The following SCN8A variants were observed in gnomAD, a reference collection of about 807,000 sequenced individuals.
SCN8A encodes sodium channel protein type 8 subunit alpha.
In SCN8A, 30 loss-of-function variants were observed where a neutral mutation model predicts 184.1. That is an observed-to-expected ratio of 0.16 (90% confidence interval 0.12 to 0.22). The LOEUF (loss-of-function observed/expected upper bound fraction) is 0.22, where lower values mean the gene tolerates loss of function less well. SCN8A is among the 10% of genes least tolerant of loss of function. The probability of loss-of-function intolerance (pLI) is 1.00; values close to 1 mark genes in which losing one functional copy is unlikely to be tolerated. For synonymous variants in SCN8A, 852 were observed against 907.0 expected, an observed-to-expected ratio of 0.94 and a Z score of 1.09; for missense variants, 1,057 against 2,498.9, an observed-to-expected ratio of 0.42 and a Z score of 12.30.
chr12:51,745,531 T>C (rs1342525203), intron 12 of SCN8A, among the ~76,000 whole-genome samples: 1 of 152,210 alleles, frequency 6.6e-6, no homozygotes, highest in African/African-American at 2.4e-5. Flanking sequence ...GGACCAATTC[T>C]AGCCAAATAT....
rs1565910828 is a variant in SCN8A at position 51,751,488 on chromosome 12, G to C, written c.2265G>C (p.Val755=). Residue 755 remains valine, a synonymous_variant, in exon 14 of 27, where the codon GTG becomes GTC. Coordinates refer to ENST00000627620, the MANE Select transcript of SCN8A (RefSeq NM_001330260.2). ...IVNLIVMDPF[V]DLAITICIVL... is the part of the protein sequence containing the mutation. ...ACTTGATAGTTATGGACCCTTTTGT[G>C]GATTTAGCCATCACCATCTGCATCG... 6.2e-7 allele frequency: 1 copy of C among 1,613,834 alleles called. No individual in the cohort carries two copies. The highest frequency in any genetic ancestry group is 2.2e-5 in the East Asian group (1 of 44,864).
intron 1 of SCN8A, among the ~76,000 whole-genome samples, chr12:51,595,647 C>T (rs999650445): frequency 6.6e-6 from 1 of 152,146 alleles, no homozygotes; most frequent in African/African-American, 2.4e-5. Flanking sequence ...ACCTACGTTG[C>T]AGGGTATTTG....
At chr12:51,732,003 T>G (rs80210775) in intron 12 of SCN8A, among the ~76,000 whole-genome samples, 3,999 of 152,332 alleles carry the variant, frequency 0.026, 165 homozygotes, top group African/African-American at 0.088. Flanking sequence ...TCAGATATTT[T>G]CTCCTATTCT....
intron 1 of SCN8A, among the ~76,000 whole-genome samples, chr12:51,609,582 G>C (rs769895380): frequency 1.3e-5 from 2 of 151,998 alleles, no homozygotes; most frequent in Admixed American, 6.6e-5. Flanking sequence ...AGTTTGTTTT[G>C]TCTGATATAA....
At chr12:51,686,978 C>A in intron 4 of SCN8A, 113 bp from the exon 5 acceptor site, 1 of 1,071,250 alleles carries the variant, frequency 9.3e-7, no homozygotes, top group Non-Finnish European at 1.4e-6. Context: ...TGGCTGTGCC[C>A]TTTCTGTTTT....
intron 1 of SCN8A, among the ~76,000 whole-genome samples, chr12:51,632,736 A>G (rs1173050343): frequency 6.6e-6 from 1 of 152,186 alleles, no homozygotes; most frequent in Non-Finnish European, 1.5e-5. Context: ...TTTTATGAAC[A>G]AGAGAATTCA....
intron 14 of SCN8A, among the ~76,000 whole-genome samples, chr12:51,758,477 G>A (rs1434010077): frequency 2.6e-5 from 4 of 152,204 alleles, no homozygotes; most frequent in East Asian, 1.9e-4. Flanking sequence ...TCACTCTGTC[G>A]CCCAGGCTGG....
At chr12:51,792,043 G>A (rs746993090) in intron 25 of SCN8A, among the ~76,000 whole-genome samples, 6 of 151,988 alleles carry the variant, frequency 3.9e-5, no homozygotes, top group Non-Finnish European at 8.8e-5. Context: ...TAATAGTTGG[G>A]GAGATAGATA....
rs757852483 is a variant in SCN8A, at chr12:51,762,493, C to T, written c.2371-10C>T. On this transcript the variant is annotated splice_polypyrimidine_tract_variant and intron_variant, in intron 14 of 26. Transcript: ENST00000627620. ...TTTATTTTTCTTACCCCCTGCATCC[C>T]CCTATTTAGGTTTTCACTGGAATTT... 6.2e-7 allele frequency: 1 copy of T among 1,612,064 alleles called. No individual in the cohort carries two copies.
chr12:51,766,874 A>G (rs1942845505), intron 16 of SCN8A, among the ~76,000 whole-genome samples: 1 of 152,342 alleles, frequency 6.6e-6, no homozygotes, highest in Middle Eastern at 3.4e-3. Flanking sequence ...AGTTTGAGAA[A>G]GGACTATCTT....
At position 51,806,120 on chromosome 12, in the gene SCN8A, G is replaced by GT. The variant is rs1938695240; in HGVS notation, c.4796-162_4796-161insT. Among the ~76,000 whole-genome samples the GT allele has an allele frequency of 6.6e-6, 1 of 152,172 alleles. No individual in the cohort carries two copies. Among genetic ancestry groups the GT allele is most frequent in the Non-Finnish European group, 1.5e-5 (1 of 68,020 alleles). On this transcript the variant is annotated intron_variant, in intron 26 of 26. Transcript: ENST00000627620. The surrounding 1 kb of genome is among the most constrained non-coding windows in gnomAD (Gnocchi z 8.7). The stretch of plus-strand genomic sequence containing the variant: ...TGGGATTACAGGCGTGAGCCCCCAT[G>GT]CCCAGCCAAAATGTCACTTTTTGAG...
At chr12:51,606,088 A>C (rs1939586042) in intron 1 of SCN8A, among the ~76,000 whole-genome samples, 1 of 152,272 alleles carries the variant, frequency 6.6e-6, no homozygotes, top group African/African-American at 2.4e-5. Context: ...AAAAGCTTTT[A>C]GTTTAATTAA....
At chr12:51,622,398 T>C (rs1939981201) in intron 1 of SCN8A, among the ~76,000 whole-genome samples, 1 of 152,212 alleles carries the variant, frequency 6.6e-6, no homozygotes, top group African/African-American at 2.4e-5. Context: ...GAGTATTACA[T>C]TGCATTGTCA....
At chr12:51,729,421 C>T (rs1290994916) in intron 12 of SCN8A, among the ~76,000 whole-genome samples, 1 of 151,924 alleles carries the variant, frequency 6.6e-6, no homozygotes, top group Non-Finnish European at 1.5e-5. Flanking sequence ...TAGACTCATA[C>T]AATATGTATT....
At chr12:51,624,046 A>G (rs575580471) in intron 1 of SCN8A, among the ~76,000 whole-genome samples, 4 of 152,296 alleles carry the variant, frequency 2.6e-5, no homozygotes, top group Non-Finnish European at 1.5e-5. Flanking sequence ...AGTCTTTGCT[A>G]TTGTGAATAG....
intron 2 of SCN8A, among the ~76,000 whole-genome samples, chr12:51,675,031 AAT>A (rs1270495096): frequency 6.6e-6 from 1 of 152,188 alleles, no homozygotes; most frequent in Non-Finnish European, 1.5e-5. Flanking sequence ...GAATTCAGTA[AAT>A]AGAGGGGTTA....
At chr12:51,706,204 C>G (rs1468661888) in intron 10 of SCN8A, among the ~76,000 whole-genome samples, 3 of 152,204 alleles carry the variant, frequency 2.0e-5, no homozygotes, top group Non-Finnish European at 4.4e-5. Context: ...CTGAAATGCT[C>G]AAGAGAATAA....
At chr12:51,680,868 G>A (rs1166370368) in intron 2 of SCN8A, among the ~76,000 whole-genome samples, 1 of 152,060 alleles carries the variant, frequency 6.6e-6, no homozygotes. Flanking sequence ...GCCGGGCGTG[G>A]TGGCAGGTGC....
At chr12:51,622,645 A>G (rs917163614) in intron 1 of SCN8A, among the ~76,000 whole-genome samples, 1 of 152,196 alleles carries the variant, frequency 6.6e-6, no homozygotes, top group Non-Finnish European at 1.5e-5. Context: ...ATGACTTATT[A>G]CAGATAATGT....
Sources: gnomAD v4.1 joint callset for allele counts (sites outside exome capture counted in the v4.1 genomes callset) on GRCh38, gnomAD v4.1.1 for gene constraint, Gnocchi (gnomAD v3.1) non-coding constraint, MANE v1.5 for transcripts, NCBI Gene and HGNC (gene_info 2026-07-23, HGNC 2026-07-21) for gene names.